The following VDAC1 variants were observed in gnomAD, a reference collection of about 807,000 sequenced individuals.
VDAC1 encodes non-selective voltage-gated ion channel VDAC1.
Under a neutral mutation model 34.7 loss-of-function variants are expected in VDAC1, and 10 were observed. That is an observed-to-expected ratio of 0.29 (90% CI 0.18 to 0.49). The LOEUF (loss-of-function observed/expected upper bound fraction) is 0.49, where lower values mean the gene tolerates loss of function less well. Ranked by LOEUF, VDAC1 falls within the 20% of genes least tolerant of loss-of-function variation. VDAC1 has a pLI of 0.99. For synonymous variants in VDAC1, 130 were observed against 136.0 expected (o/e 0.96, Z 0.30); for missense variants, 230 against 347.9 (o/e 0.66, Z 2.69).
At chr5:134,045,803 G>A in the VDAC1 span, among the ~76,000 whole-genome samples, 1 of 151,852 alleles carries the variant, frequency 6.6e-6, no homozygotes, top group Non-Finnish European at 1.5e-5. Context: ...TCCTGCCTCA[G>A]CCTCCCGAGT....
chr5:134,053,009 G>T, the VDAC1 span, among the ~76,000 whole-genome samples: 1 of 152,186 alleles, frequency 6.6e-6, no homozygotes, highest in Non-Finnish European at 1.5e-5. Flanking sequence ...CAGCTACCCG[G>T]GAGGCTGAGG....
the VDAC1 span, among the ~76,000 whole-genome samples, chr5:134,059,252 G>GAGGCTCCC: frequency 6.6e-6 from 1 of 152,206 alleles, no homozygotes; most frequent in South Asian, 2.1e-4. Flanking sequence ...CAGCCAACGT[G>GAGGCTCCC]AGGCTCCCAG....
chr5:134,095,577 CAT>C, the VDAC1 span, among the ~76,000 whole-genome samples: 1 of 152,132 alleles, frequency 6.6e-6, no homozygotes. Flanking sequence ...AACTTTTTCT[CAT>C]AGACTATCAC....
chr5:134,105,811 C>A, the VDAC1 span, among the ~76,000 whole-genome samples: 2 of 152,276 alleles, frequency 1.3e-5, no homozygotes, highest in Non-Finnish European at 2.9e-5. Flanking sequence ...ACAGCCAACC[C>A]CTCATCTGAC....
At chr5:133,977,312 G>A (rs1752517827) in intron 6 of VDAC1, among the ~76,000 whole-genome samples, 1 of 152,168 alleles carries the variant, frequency 6.6e-6, no homozygotes, top group African/African-American at 2.4e-5. Flanking sequence ...ATCTAAGCCT[G>A]GCAGGATTTG....
At chr5:134,038,784 T>A in the VDAC1 span, among the ~76,000 whole-genome samples, 1 of 152,212 alleles carries the variant, frequency 6.6e-6, no homozygotes, top group Non-Finnish European at 1.5e-5. Flanking sequence ...TCCAAAGTTA[T>A]TTTGGACACC....
At chr5:133,991,224 C>G in intron 3 of VDAC1, 70 bp from the exon 4 acceptor site, 1 of 1,582,604 alleles carries the variant, frequency 6.3e-7, no homozygotes, top group Non-Finnish European at 8.6e-7. Context: ...CTCCTAAACA[C>G]TATACTTGCC....
chr5:134,056,603 C>T, the VDAC1 span, among the ~76,000 whole-genome samples: 1 of 152,148 alleles, frequency 6.6e-6, no homozygotes, highest in African/African-American at 2.4e-5. Flanking sequence ...CTGCACCAGC[C>T]CCAGTGAACA....
intron 7 of VDAC1, among the ~76,000 whole-genome samples, chr5:133,974,689 A>C (rs1390747765): frequency 1.3e-5 from 2 of 152,246 alleles, no homozygotes; most frequent in African/African-American, 4.8e-5. Flanking sequence ...GCCATGGCTC[A>C]TGCCTGTAAT....
chr5:134,018,182 C>A, the VDAC1 span, among the ~76,000 whole-genome samples: 39 of 152,282 alleles, frequency 2.6e-4, no homozygotes, highest in African/African-American at 9.4e-4. Context: ...TGTCTCCTAA[C>A]GAGGAAGCTT....
the VDAC1 span, among the ~76,000 whole-genome samples, chr5:134,088,306 C>G: frequency 6.6e-6 from 1 of 152,246 alleles, no homozygotes; most frequent in South Asian, 2.1e-4. Flanking sequence ...GGACTAGGCA[C>G]AGGGTGGGCC....
chr5:134,019,714 G>A, the VDAC1 span, among the ~76,000 whole-genome samples: 1 of 152,118 alleles, frequency 6.6e-6, no homozygotes, highest in South Asian at 2.1e-4. Context: ...TCCCACAGCT[G>A]CCCCAACCCC....
At chr5:134,022,868 T>C in the VDAC1 span, among the ~76,000 whole-genome samples, 1 of 152,198 alleles carries the variant, frequency 6.6e-6, no homozygotes. Flanking sequence ...GCATTTACAC[T>C]GTTGGTGGGA....
the VDAC1 span, among the ~76,000 whole-genome samples, chr5:134,053,052 T>C: frequency 6.7e-6 from 1 of 149,526 alleles, no homozygotes. Flanking sequence ...GAGGTGGAGG[T>C]TGCGGTGAGC....
chr5:134,057,689 G>GA, the VDAC1 span, among the ~76,000 whole-genome samples: 180 of 131,950 alleles, frequency 1.4e-3, no homozygotes, highest in Middle Eastern at 3.8e-3. Flanking sequence ...AACTCCATCT[G>GA]AAAAAAAAAA....
upstream of VDAC1, among the ~76,000 whole-genome samples, chr5:134,008,818 GA>G (rs923478622): frequency 6.0e-4 from 91 of 152,266 alleles, no homozygotes; most frequent in Admixed American, 3.2e-3. Context: ...CAATTAATTG[GA>G]TTATAAAGTT....
At chr5:133,989,550 G>C (rs1276881249) in intron 5 of VDAC1, among the ~76,000 whole-genome samples, 1 of 151,896 alleles carries the variant, frequency 6.6e-6, no homozygotes, top group Non-Finnish European at 1.5e-5. Context: ...ATTAGAGATG[G>C]GGTTTTGCCA....
chr5:134,096,583 ATTTTC>A, the VDAC1 span, among the ~76,000 whole-genome samples: 4 of 146,404 alleles, frequency 2.7e-5, no homozygotes, highest in African/African-American at 5.1e-5. Flanking sequence ...GCTTATCTAT[ATTTTC>A]TTTTCTTTTC....
rs373877351 is a variant in VDAC1, at chr5:133,992,935, G to A, written c.67+11C>T. 3 of 1,611,798 alleles carry A rather than the reference G, an allele frequency of 1.9e-6. No individual in the cohort carries two copies. Among genetic ancestry groups the A allele is most frequent in the Admixed American group, 3.3e-5 (2 of 59,752 alleles). On this transcript the variant is annotated intron_variant, in intron 2 of 8. Transcript: ENST00000265333. ...GTGAGCTGAAAGGCACCCCCTCTCT[G>A]CAACACTCACCATAGCCCTTGGTGA...
Sources: allele counts gnomAD v4.1 joint callset (sites outside exome capture counted in the v4.1 genomes callset), GRCh38; gene constraint gnomAD v4.1.1; transcripts MANE v1.5; gene names NCBI Gene and HGNC (gene_info 2026-07-23, HGNC 2026-07-21).